UST: variants seen among roughly 807,000 people sequenced by gnomAD.
UST encodes the protein uronyl 2-sulfotransferase.
A neutral mutation model predicts 45.6 loss-of-function variants in UST; 21 were observed. That is an observed-to-expected ratio of 0.46 (90% confidence interval 0.33 to 0.66). UST has a LOEUF of 0.66. Among genes scored for constraint, UST ranks in the 30% least tolerant of loss-of-function variants. The pLI, the probability that UST is intolerant of heterozygous loss-of-function variation, is 0.02. For synonymous variants in UST, 215 were observed against 200.6 expected (o/e 1.07, Z -0.61); for missense variants, 463 against 512.4 (o/e 0.90, Z 0.93).
At chr6:149,034,666 G>T (rs1340687485) in intron 7 of UST, among the ~76,000 whole-genome samples, 1 of 152,046 alleles carries the variant, frequency 6.6e-6, no homozygotes, top group Non-Finnish European at 1.5e-5. Context: ...CTTAATCTCG[G>T]GGATGCTATT....
At chr6:149,023,767 C>G (rs948510946) in intron 7 of UST, among the ~76,000 whole-genome samples, 1 of 152,122 alleles carries the variant, frequency 6.6e-6, no homozygotes, top group East Asian at 1.9e-4. Context: ...GATAAACCAC[C>G]TATAAAAAGC....
At chr6:148,920,677 T>C (rs146734424) in intron 2 of UST, among the ~76,000 whole-genome samples, 3,949 of 152,230 alleles carry the variant, frequency 0.026, 181 homozygotes, top group African/African-American at 0.091. Flanking sequence ...CACAGGTGCA[T>C]GCCACTATGC....
chr6:148,785,817 T>C (rs1303050386), intron 1 of UST, among the ~76,000 whole-genome samples: 1 of 152,172 alleles, frequency 6.6e-6, no homozygotes, highest in Non-Finnish European at 1.5e-5. Context: ...CCCCAAACCA[T>C]GTATGTTAAA....
chr6:148,892,084 T>C (rs778951806), intron 2 of UST, among the ~76,000 whole-genome samples: 1 of 152,220 alleles, frequency 6.6e-6, no homozygotes, highest in Non-Finnish European at 1.5e-5. Flanking sequence ...GAATAGCATG[T>C]TTTCTTTTTG....
chr6:148,993,956 C>CTTTTTTTTTTTTTTTTTTTTTTT (rs57552256), intron 5 of UST, among the ~76,000 whole-genome samples: 1 of 95,362 alleles, frequency 1.0e-5, no homozygotes, highest in Non-Finnish European at 1.9e-5. Flanking sequence ...TATTTCTTTC[C>CTTTTTTTTTTTTTTTTTTTTTTT]TTTTTTTTTT....
intron 1 of UST, among the ~76,000 whole-genome samples, chr6:148,763,519 C>T (rs1269502396): frequency 6.6e-6 from 1 of 152,006 alleles, no homozygotes; most frequent in Non-Finnish European, 1.5e-5. Context: ...TTAATTAAGT[C>T]CCTTTTGTTT....
intron 7 of UST, among the ~76,000 whole-genome samples, chr6:149,057,860 A>C (rs1478474832): frequency 2.6e-5 from 4 of 152,242 alleles, no homozygotes; most frequent in African/African-American, 4.8e-5. Context: ...TACAGTAATA[A>C]CTGTGGCTTG....
At chr6:148,757,362 A>C (rs2114650802) in intron 1 of UST, among the ~76,000 whole-genome samples, 1 of 152,370 alleles carries the variant, frequency 6.6e-6, no homozygotes, top group South Asian at 2.1e-4. Flanking sequence ...GGAAGTTTGC[A>C]GAATAGCTGT....
chr6:149,010,623 A>G (rs1462553123), intron 5 of UST, among the ~76,000 whole-genome samples: 4 of 152,036 alleles, frequency 2.6e-5, no homozygotes, highest in African/African-American at 9.7e-5. Context: ...GGCCGGGTCC[A>G]GTGGCTCATG....
intron 1 of UST, among the ~76,000 whole-genome samples, chr6:148,799,328 G>A (rs2114714444): frequency 6.6e-6 from 1 of 152,316 alleles, no homozygotes; most frequent in South Asian, 2.1e-4. Flanking sequence ...CTTACAAGTT[G>A]TTATCTCCAC....
intron 5 of UST, among the ~76,000 whole-genome samples, chr6:148,975,515 T>C (rs1212771018): frequency 6.6e-6 from 1 of 152,254 alleles, no homozygotes; most frequent in Non-Finnish European, 1.5e-5. Flanking sequence ...GTCCAGTGTG[T>C]ATCTGACTTT....
At chr6:148,835,038 C>A (rs1209223714) in intron 1 of UST, among the ~76,000 whole-genome samples, 1 of 152,116 alleles carries the variant, frequency 6.6e-6, no homozygotes, top group Non-Finnish European at 1.5e-5. Flanking sequence ...GAATATAAAA[C>A]ATGTTATGAT....
chr6:148,772,384 G>C (rs541400008), intron 1 of UST, among the ~76,000 whole-genome samples: 2 of 151,520 alleles, frequency 1.3e-5, no homozygotes, highest in East Asian at 3.9e-4. Context: ...CTTGGGGTTG[G>C]CTGGGCCTGG....
chr6:148,977,751 CAAAAAAAAA>C (rs60475773), intron 5 of UST, among the ~76,000 whole-genome samples: 6 of 88,210 alleles, frequency 6.8e-5, no homozygotes, highest in Non-Finnish European at 1.1e-4. Flanking sequence ...GAATCTGTCT[CAAAAAAAAA>C]AAAAAAAAAA....
At chr6:149,017,966 C>T (rs1184433370) in intron 5 of UST, among the ~76,000 whole-genome samples, 3 of 152,082 alleles carry the variant, frequency 2.0e-5, no homozygotes, top group Non-Finnish European at 4.4e-5. Flanking sequence ...ATATGCACCC[C>T]CCTATTCACT....
chr6:148,865,705 TGTG>T (rs1778416177), intron 1 of UST, among the ~76,000 whole-genome samples: 9 of 131,988 alleles, frequency 6.8e-5, no homozygotes, highest in Admixed American at 6.6e-4. Context: ...TGTGTGTGTG[TGTG>T]TGTGTGAATT....
Position 148,983,843 on chromosome 6 carries a change from G to A in UST, c.681+19280G>A, listed in dbSNP as rs559003837. Among the ~76,000 whole-genome samples, 12 of 152,276 alleles carry A rather than the reference G, an allele frequency of 7.9e-5. No individual in the cohort carries two copies. The East Asian group carries it at 1.5e-3, about 20-fold the overall frequency. Reference sequence around the variant, plus strand: ...CATTCCTTGTCCAGAAAAGGAGGACGTAGTCTTCAAGGTGACCAAATCACC... The same window carrying A: ...CATTCCTTGTCCAGAAAAGGAGGACATAGTCTTCAAGGTGACCAAATCACC... On this transcript the variant is annotated intron_variant, in intron 5 of 7. Transcript: ENST00000367463.
At chr6:148,928,667 G>T (rs1039831825) in intron 2 of UST, among the ~76,000 whole-genome samples, 1 of 152,180 alleles carries the variant, frequency 6.6e-6, no homozygotes, top group African/African-American at 2.4e-5. Flanking sequence ...GGTGGATTGC[G>T]TCTAGATTCC....
At chr6:148,944,338 A>T (rs1254482311) in intron 3 of UST, among the ~76,000 whole-genome samples, 1 of 152,118 alleles carries the variant, frequency 6.6e-6, no homozygotes, top group Non-Finnish European at 1.5e-5. Context: ...AATTTCTTTT[A>T]TGAGAAAATG....
Sources: allele counts gnomAD v4.1 joint callset (sites outside exome capture counted in the v4.1 genomes callset), GRCh38; gene constraint gnomAD v4.1.1; transcripts MANE v1.5; gene names NCBI Gene and HGNC (gene_info 2026-07-23, HGNC 2026-07-21).